Variants in SLC9A5 observed in about 807,000 individuals in gnomAD.
SLC9A5 encodes the protein sodium/hydrogen exchanger 5.
SLC9A5 carries 52 observed loss-of-function variants against 91.7 expected under a neutral mutation model. That is an observed-to-expected ratio of 0.57 (90% CI 0.45 to 0.71). The LOEUF (loss-of-function observed/expected upper bound fraction) is 0.71. Ranked by LOEUF, SLC9A5 falls within the 30% of genes least tolerant of loss-of-function variation. The probability of loss-of-function intolerance (pLI) is 0.00; values close to 1 mark genes in which losing one functional copy is unlikely to be tolerated. For missense variants in SLC9A5, 871 were observed against 1,158.9 expected, an observed-to-expected ratio of 0.75 and a Z score of 3.61; for synonymous variants, 419 against 474.5, an observed-to-expected ratio of 0.88 and a Z score of 1.52.
At position 67,271,119 on chromosome 16, in the gene SLC9A5, C is replaced by T; in HGVS notation, c.2600C>T (p.Pro867Leu). ...CTCCCCCAGCAGCAGGAGCTGCAGC[C>T]CCTCATGGGCCACAAGGACCACACC... is the stretch of plus-strand genomic sequence containing the variant. ...ADLPQQQELQ[P>L]LMGHKDHTHL... The change falls in exon 16 of 16, where the codon CCC (proline) becomes CTC (leucine). Residue 867 changes from proline to leucine, a missense_variant. Pro to Leu is a moderately conservative substitution (Grantham distance 98, BLOSUM62 -3). Coordinates refer to ENST00000299798, the MANE Select transcript of SLC9A5 (RefSeq NM_004594.3). The T allele has an allele frequency of 6.2e-7, 1 of 1,613,752 alleles. No homozygotes were observed. The highest frequency in any genetic ancestry group is 2.2e-5 in the East Asian group (1 of 44,878).
In SLC9A5 at chr16:67,256,754, C is replaced by T; in HGVS notation, c.1132+65C>T. The T allele has an allele frequency of 7.2e-7, 1 of 1,395,952 alleles. No homozygotes were observed. Among genetic ancestry groups the T allele is most frequent in the East Asian group, 2.3e-5 (1 of 43,852 alleles). 86.5% of individuals were successfully genotyped at this position (1,395,952 alleles called of 1,614,324 possible). ...TCCCGCCCCTCCCTGCAGCTCATCT[C>T]CCTATCTGAGTCCACATCTTTGTCA... On this transcript the variant is annotated intron_variant, in intron 6 of 15. Transcript: ENST00000299798. This position sits in a 1 kb window ranked among gnomAD's most constrained non-coding sequence, Gnocchi z 4.1.
chr16:67,270,592 TG>T lies in SLC9A5; in HGVS notation c.2219-144del. 1 of 606,046 alleles carries T rather than the reference TG, an allele frequency of 1.7e-6. No homozygotes were observed. The allele number at this position is 606,046 out of a possible 1,614,324, so 37.5% of individuals were successfully genotyped here. ...ATAGAGTGGAGAGTAAAACAAGCTG[TG>T]GTACTTCGCCTCAGCAAGACATTCA... On this transcript the variant is annotated intron_variant, in intron 15 of 15. Transcript: ENST00000299798. The surrounding 1 kb of genome is among the most constrained non-coding windows in gnomAD (Gnocchi z 4.3).
At chr16:67,268,657 A>ATTAT (rs2035798277) in intron 15 of SLC9A5, among the ~76,000 whole-genome samples, 2 of 47,756 alleles carry the variant, frequency 4.2e-5, no homozygotes, top group Non-Finnish European at 7.7e-5. Flanking sequence ...AATTTCCCTG[A>ATTAT]TTATATATAT....
At position 67,259,833 on chromosome 16, in the gene SLC9A5, A is replaced by T. The variant is rs772705073; in HGVS notation, c.1729A>T (p.Ser577Cys). The T allele has an allele frequency of 6.2e-7, 1 of 1,614,112 alleles. No individual in the cohort carries two copies. Among genetic ancestry groups the T allele is most frequent in the South Asian group, 1.1e-5 (1 of 91,086 alleles). The change falls in exon 12 of 16, where the codon AGT becomes TGT. Residue 577 changes from serine to cysteine, a missense_variant. By Grantham distance (112) the Ser-to-Cys change is moderately radical. Coordinates refer to ENST00000299798, the MANE Select transcript of SLC9A5 (RefSeq NM_004594.3). ...TGCCTCCTGCAGGAGGGAGAGTGGC[A>T]GTGGAGCGTGTCTGGATCTGCAGGT... ...SVTNLLRESG[S>C]GACLDLQVID...
chr16:67,257,000 C>CG lies in SLC9A5; in HGVS notation c.1228dup (p.Ala410GlyfsTer12), dbSNP rs35182421. The CG allele has an allele frequency of 1.2e-6, 2 of 1,613,898 alleles. No individual in the cohort carries two copies. Among genetic ancestry groups the CG allele is most frequent in the African/African-American group, 1.3e-5 (1 of 74,932 alleles). ...AGTGGTGATGTCCTATGGGGGCCTG[C>CG]GGGGGGCTGTGGCCTTTGCTCTCGT... On this transcript the variant is annotated frameshift_variant, in exon 7 of 16. Transcript: ENST00000299798. LOFTEE classifies it high-confidence loss of function. The surrounding 1 kb of genome is among the most constrained non-coding windows in gnomAD (Gnocchi z 4.1).
rs2035878489 is a variant in SLC9A5, at chr16:67,270,462, G to A, written c.2219-276G>A. 6.6e-6 allele frequency among the ~76,000 whole-genome samples: 1 copy of A among 152,200 alleles called. No homozygotes were observed. The highest frequency in any genetic ancestry group is 1.5e-5 in the Non-Finnish European group (1 of 68,038). On this transcript the variant is annotated intron_variant, in intron 15 of 15. Transcript: ENST00000299798. The surrounding 1 kb of genome is among the most constrained non-coding windows in gnomAD (Gnocchi z 4.3). The stretch of plus-strand genomic sequence containing the variant: ...GGCCTCCCAAAGTGCTGGGATTACG[G>A]CATGAGCCATAAGCCAACTTTCCTT...
chr16:67,260,377 A>AAAAAAAAAAAAAAAAAT (rs2035492398), intron 12 of SLC9A5, among the ~76,000 whole-genome samples: 1 of 150,258 alleles, frequency 6.7e-6, no homozygotes, highest in African/African-American at 2.5e-5. Flanking sequence ...AAAAAAAAAA[A>AAAAAAAAAAAAAAAAAT]GAGTGTGGGT....
chr16:67,262,854 C>A, intron 12 of SLC9A5: 1 of 154,928 alleles, frequency 6.5e-6, no homozygotes. Flanking sequence ...GCCTGGCCAG[C>A]ACCTAGGCAG....
At chr16:67,263,397 G>C (rs543809182) in intron 12 of SLC9A5, 1 of 150,154 alleles carries the variant, frequency 6.7e-6, no homozygotes, top group South Asian at 2.1e-4. Flanking sequence ...CATTTCAGGG[G>C]ATTACCACTA....
Position 67,255,188 on chromosome 16 carries a change from AGCGT to A in SLC9A5, c.654+7_654+10del, listed in dbSNP as rs1186883725. The A allele has an allele frequency of 8.1e-6, 13 of 1,611,370 alleles. No homozygotes were observed. The Admixed American group carries it at 1.3e-4, about 17-fold the overall frequency. ...GCTCAACGATGCTGTCACCGTGGTG[AGCGT>A]GCTCAGCTGACTGCCATTCCCTGAC... On this transcript the variant is annotated splice_donor_5th_base_variant and intron_variant, in intron 3 of 15. Coordinates refer to ENST00000299798, the MANE Select transcript of SLC9A5 (RefSeq NM_004594.3). The surrounding 1 kb of genome is among the most constrained non-coding windows in gnomAD (Gnocchi z 4.9).
In SLC9A5 at chr16:67,256,989, A is replaced by T. The variant is rs373553376; in HGVS notation, c.1211A>T (p.Tyr404Phe). The change falls in exon 7 of 16, where the codon TAT becomes TTT. Residue 404 changes from tyrosine to phenylalanine, a missense_variant. Tyr to Phe is a conservative substitution (Grantham distance 22). This residue lies in a region of SLC9A5 where 454 missense variants were observed against 718.3 expected (regional missense o/e 0.63). Transcript: ENST00000299798. The surrounding 1 kb of genome is among the most constrained non-coding windows in gnomAD (Gnocchi z 4.1). ...AAGATTGACCAAGTGGTGATGTCCT[A>T]TGGGGGCCTGCGGGGGGCTGTGGCC... ...LDKIDQVVMS[Y>F]GGLRGAVAFA... 1.2e-6 allele frequency: 2 copies of T among 1,614,018 alleles called. No homozygotes were observed. The highest frequency in any genetic ancestry group is 8.5e-7 in the Non-Finnish European group (1 of 1,180,032).
chr16:67,255,447 G>A lies in SLC9A5; in HGVS notation c.709G>A (p.Ala237Thr), dbSNP rs1320308538. The part of the protein sequence containing the change: ...FVEMGSANVQ[A>T]TDYLKGVASL... ...GGAGATGGGCTCTGCCAATGTGCAG[G>A]CCACTGACTACCTGAAGGGAGTCGG... is the stretch of plus-strand genomic sequence containing the variant. The change falls in exon 4 of 16, where the codon GCC becomes ACC. Residue 237 changes from alanine (A) to threonine (T), a missense_variant. By Grantham distance (58) the Ala-to-Thr change is moderately conservative. Coordinates refer to ENST00000299798, the MANE Select transcript of SLC9A5 (RefSeq NM_004594.3). This position sits in a 1 kb window ranked among gnomAD's most constrained non-coding sequence, Gnocchi z 4.9. 6.8e-6 allele frequency: 11 copies of A among 1,614,118 alleles called. No homozygotes were observed. Among genetic ancestry groups the A allele is most frequent in the Non-Finnish European group, 9.3e-6 (11 of 1,180,014 alleles).
Position 67,270,517 on chromosome 16 carries a change from C to A in SLC9A5, c.2219-221C>A, listed in dbSNP as rs1354633859. Among the ~76,000 whole-genome samples the A allele has an allele frequency of 1.3e-5, 2 of 152,132 alleles. No individual in the cohort carries two copies. The highest frequency in any genetic ancestry group is 2.9e-5 in the Non-Finnish European group (2 of 68,020). On this transcript the variant is annotated intron_variant, in intron 15 of 15. Transcript: ENST00000299798. The surrounding 1 kb of genome is among the most constrained non-coding windows in gnomAD (Gnocchi z 4.3). The stretch of plus-strand genomic sequence containing the variant: ...TCGTTTCTTTGATGAAAATAATGTT[C>A]AATTTCTTGAGCAACTACTGTGTGC...
intron 12 of SLC9A5, chr16:67,262,055 C>G: frequency 3.1e-6 from 1 of 323,098 alleles, no homozygotes; most frequent in Non-Finnish European, 6.2e-6. Flanking sequence ...TTGTGTGTAT[C>G]CTGTTAAATG....
chr16:67,266,051 GC>G, intron 14 of SLC9A5, 36 bp from the exon 15 acceptor site: 1 of 1,607,186 alleles, frequency 6.2e-7, no homozygotes. Context: ...GCAGCTGCCA[GC>G]CCAGGATGCC....
intron 15 of SLC9A5, among the ~76,000 whole-genome samples, chr16:67,268,860 A>G (rs1025347482): frequency 2.0e-5 from 3 of 150,506 alleles, no homozygotes; most frequent in Non-Finnish European, 4.4e-5. Context: ...ATGGCCTTGG[A>G]TGGAGGGGTA....
chr16:67,262,234 T>C, intron 12 of SLC9A5: 1 of 457,394 alleles, frequency 2.2e-6, no homozygotes, highest in Non-Finnish European at 4.4e-6. Context: ...GACAGAGCCC[T>C]GTGGCATGCT....
At chr16:67,264,976 CA>C (rs1312597196) in intron 13 of SLC9A5, 63 bp from the exon 14 acceptor site, 1 of 1,537,018 alleles carries the variant, frequency 6.5e-7, no homozygotes, top group Non-Finnish European at 9.0e-7. Context: ...TTGACCCCAC[CA>C]GATGACAGGG....
intron 13 of SLC9A5, 92 bp downstream of exon 13, chr16:67,264,614 A>G (rs913835462): frequency 4.5e-6 from 6 of 1,345,004 alleles, no homozygotes; most frequent in Non-Finnish European, 6.3e-6. Flanking sequence ...CTTAGGGGGA[A>G]CCCCAGTTGG....
Sources: gnomAD v4.1 joint callset for allele counts (sites outside exome capture counted in the v4.1 genomes callset) on GRCh38, gnomAD v4.1.1 for gene constraint, gnomAD v4.1.1 regional missense constraint, Gnocchi (gnomAD v3.1) non-coding constraint, MANE v1.5 for transcripts, NCBI Gene and HGNC (gene_info 2026-07-23, HGNC 2026-07-21) for gene names.